The following DOK6 variants were observed in gnomAD, a reference collection of about 807,000 sequenced individuals.
The protein encoded by DOK6 is docking protein 6.
Under a neutral mutation model 44.0 loss-of-function variants are expected in DOK6, and 22 were observed. The observed-to-expected ratio is 0.50, with a 90% CI of 0.36 to 0.71. DOK6 has a LOEUF of 0.71. DOK6 is among the 30% of genes least tolerant of loss of function. DOK6 has a pLI of 0.00. For synonymous variants in DOK6, 166 were observed against 145.5 expected, an observed-to-expected ratio of 1.14 and a Z score of -1.01; for missense variants, 340 against 416.4, an observed-to-expected ratio of 0.82 and a Z score of 1.60.
chr18:69,801,244 T>C (rs576415119), intron 7 of DOK6, among the ~76,000 whole-genome samples: 18 of 152,196 alleles, frequency 1.2e-4, no homozygotes, highest in Non-Finnish European at 2.2e-4. Flanking sequence ...TCATTTATAA[T>C]GGCTATATAG....
intron 1 of DOK6, among the ~76,000 whole-genome samples, chr18:69,562,049 A>G (rs1982846555): frequency 6.6e-6 from 1 of 152,188 alleles, no homozygotes; most frequent in East Asian, 1.9e-4. Context: ...AGCAAAGAAT[A>G]CACTAGATTT....
At chr18:69,834,510 A>G (rs938566808) in intron 7 of DOK6, among the ~76,000 whole-genome samples, 1 of 152,222 alleles carries the variant, frequency 6.6e-6, no homozygotes, top group Non-Finnish European at 1.5e-5. Context: ...TATTTTTCAA[A>G]TTAGCTAGTA....
intron 7 of DOK6, among the ~76,000 whole-genome samples, chr18:69,801,085 TTTTGTTTTGTTTTG>T (rs1295077042): frequency 0.077 from 4,082 of 53,002 alleles, 99 homozygotes; most frequent in Admixed American, 0.17. Flanking sequence ...TTTACTTTGA[TTTTGTTTTGTTTTG>T]TTTTGTTTTG....
intron 1 of DOK6, among the ~76,000 whole-genome samples, chr18:69,520,333 T>G (rs1332799602): frequency 6.6e-6 from 1 of 151,902 alleles, no homozygotes; most frequent in Non-Finnish European, 1.5e-5. Flanking sequence ...TATAAGCTAA[T>G]GTAATTAAAT....
chr18:69,471,412 G>A (rs1210382315), intron 1 of DOK6, among the ~76,000 whole-genome samples: 1 of 151,942 alleles, frequency 6.6e-6, no homozygotes, highest in African/African-American at 2.4e-5. Flanking sequence ...AAAATGAGGT[G>A]AATATGGTGG....
At chr18:69,506,592 T>C (rs1162273241) in intron 1 of DOK6, among the ~76,000 whole-genome samples, 1 of 152,204 alleles carries the variant, frequency 6.6e-6, no homozygotes, top group East Asian at 1.9e-4. Context: ...CACTTCTTTT[T>C]CATTGGCAAA....
chr18:69,782,248 G>C (rs1980295164), intron 7 of DOK6, among the ~76,000 whole-genome samples: 1 of 129,750 alleles, frequency 7.7e-6, no homozygotes, highest in African/African-American at 2.9e-5. Flanking sequence ...GTCTCGCTCT[G>C]TCACCCAGGC....
At chr18:69,749,349 G>A (rs1398867088) in intron 6 of DOK6, among the ~76,000 whole-genome samples, 1 of 152,074 alleles carries the variant, frequency 6.6e-6, no homozygotes, top group African/African-American at 2.4e-5. Flanking sequence ...GTTTCTGAGT[G>A]CCAGCTTTTA....
At chr18:69,490,543 G>A (rs1055487252) in intron 1 of DOK6, among the ~76,000 whole-genome samples, 21 of 151,946 alleles carry the variant, frequency 1.4e-4, no homozygotes, top group Admixed American at 1.3e-3. Flanking sequence ...ATGCCTGTTA[G>A]CATATACTTA....
intron 1 of DOK6, among the ~76,000 whole-genome samples, chr18:69,413,163 G>A (rs1978313385): frequency 6.6e-6 from 1 of 152,104 alleles, no homozygotes; most frequent in Admixed American, 6.6e-5. Context: ...ATCAGCAAGT[G>A]TCAGCTTCTG....
chr18:69,564,573 T>C lies in DOK6; in HGVS notation c.153T>C (p.Ala51=). 1 of 1,613,704 alleles carries C rather than the reference T, an allele frequency of 6.2e-7. No homozygotes were observed. The highest frequency in any genetic ancestry group is 8.5e-7 in the Non-Finnish European group (1 of 1,179,848). ...RLEKFPDEKA[A]YFRNFHKVTE... is the part of the protein sequence containing the mutation. ...AAAAATTTCCAGATGAAAAGGCAGC[T>C]TATTTCAGAAACTTTCATAAGGTAA... Residue 51 remains alanine, a synonymous_variant, in exon 2 of 8, where the codon GCT becomes GCC. Transcript: ENST00000382713.
intron 2 of DOK6, among the ~76,000 whole-genome samples, chr18:69,592,366 T>C (rs1014536131): frequency 2.0e-5 from 3 of 152,024 alleles, no homozygotes; most frequent in Admixed American, 6.5e-5. Flanking sequence ...CCTTCTTTCA[T>C]AGGGTTTACT....
chr18:69,422,136 C>T (rs1221729290), intron 1 of DOK6, among the ~76,000 whole-genome samples: 1 of 152,168 alleles, frequency 6.6e-6, no homozygotes, highest in Non-Finnish European at 1.5e-5. Context: ...GGGATCCACA[C>T]ATGTGTGTCT....
intron 3 of DOK6, among the ~76,000 whole-genome samples, chr18:69,646,046 T>C (rs1411824351): frequency 6.6e-6 from 1 of 152,176 alleles, no homozygotes; most frequent in Non-Finnish European, 1.5e-5. Flanking sequence ...TAGTATTTAT[T>C]ATATGTATTT....
At chr18:69,538,866 C>T (rs1982192733) in intron 1 of DOK6, among the ~76,000 whole-genome samples, 1 of 152,060 alleles carries the variant, frequency 6.6e-6, no homozygotes, top group Non-Finnish European at 1.5e-5. Flanking sequence ...GCCTTCCCTG[C>T]AAATACTGCC....
chr18:69,401,183 G>T lies in DOK6; in HGVS notation c.-62G>T. ...GCGAGACCCGCGCAGACCCGGCGGC[G>T]GACGGCGGCTCTCGACTCCGGAGAG... On this transcript the variant is annotated 5_prime_UTR_variant, in exon 1 of 8. An upstream open reading frame in the 5' UTR gains an earlier in-frame stop. Coordinates refer to ENST00000382713, the MANE Select transcript of DOK6 (RefSeq NM_152721.6). 6.7e-7 allele frequency: 1 copy of T among 1,484,518 alleles called. No individual in the cohort carries two copies. Among genetic ancestry groups the T allele is most frequent in the Non-Finnish European group, 9.0e-7 (1 of 1,114,448 alleles). 92.0% of individuals were successfully genotyped at this position (1,484,518 alleles called of 1,614,324 possible). A position where few individuals can be genotyped will look rare whatever the true frequency, so the allele number is the denominator to read the frequency against.
At chr18:69,816,454 T>A (rs1329388028) in intron 7 of DOK6, among the ~76,000 whole-genome samples, 1 of 152,192 alleles carries the variant, frequency 6.6e-6, no homozygotes, top group Non-Finnish European at 1.5e-5. Context: ...GAATTCACCA[T>A]ACAACCTTAA....
At chr18:69,431,470 T>C (rs1015724382) in intron 1 of DOK6, among the ~76,000 whole-genome samples, 9 of 152,172 alleles carry the variant, frequency 5.9e-5, no homozygotes, top group African/African-American at 2.2e-4. Flanking sequence ...GCAAACAAGA[T>C]TTCTCAGTGA....
chr18:69,807,253 C>T (rs920210549), intron 7 of DOK6, among the ~76,000 whole-genome samples: 1 of 151,616 alleles, frequency 6.6e-6, no homozygotes, highest in African/African-American at 2.4e-5. Context: ...TTCCTATAAG[C>T]CTCACAGTAA....
Sources: allele counts gnomAD v4.1 joint callset (sites outside exome capture counted in the v4.1 genomes callset), GRCh38; gene constraint gnomAD v4.1.1; transcripts MANE v1.5; gene names NCBI Gene and HGNC (gene_info 2026-07-23, HGNC 2026-07-21).